Variants in HMCN1 observed in about 807,000 individuals in gnomAD.
HMCN1 encodes hemicentin-1.
In HMCN1, 321 loss-of-function variants were observed where a neutral mutation model predicts 625.9. The ratio of observed to expected loss-of-function variants is 0.51; its 90% CI spans 0.47 to 0.56. The LOEUF (loss-of-function observed/expected upper bound fraction) is 0.56, where lower values mean the gene tolerates loss of function less well. Among genes scored for constraint, HMCN1 ranks in the 20% least tolerant of loss-of-function variants. The pLI is 0.00. For missense variants in HMCN1, 6,588 were observed against 6,887.3 expected (o/e 0.96, Z 1.54); for synonymous variants, 2,425 against 2,417.6 (o/e 1.00, Z -0.09).
intron 4 of HMCN1, among the ~76,000 whole-genome samples, chr1:185,906,249 G>A (rs1029915068): frequency 1.3e-5 from 2 of 151,642 alleles, no homozygotes; most frequent in African/African-American, 4.8e-5. Flanking sequence ...CTAATACAAC[G>A]AGTTGCATCT....
chr1:185,832,101 G>A (rs1415785017), intron 1 of HMCN1, among the ~76,000 whole-genome samples: 3 of 151,940 alleles, frequency 2.0e-5, no homozygotes, highest in East Asian at 1.9e-4. Context: ...TTCGAGACCA[G>A]CCTGGCCAAC....
intron 49 of HMCN1, among the ~76,000 whole-genome samples, chr1:186,067,118 G>A (rs1382106330): frequency 6.6e-6 from 1 of 152,040 alleles, no homozygotes. Context: ...CTGCAGTTTA[G>A]GTTCCCAAGC....
In HMCN1 at chr1:185,735,052, G is replaced by C; in HGVS notation, c.268+5G>C. On this transcript the variant is annotated splice_donor_5th_base_variant and intron_variant, in intron 1 of 106. Coordinates refer to ENST00000271588, the MANE Select transcript of HMCN1 (RefSeq NM_031935.3). ...TGGTGCCTTTCCATGATCCAGGTAAGGGAAATATTTATACTTTGTCTTTGC... is the reference window on the plus strand; with the variant it reads ...TGGTGCCTTTCCATGATCCAGGTAACGGAAATATTTATACTTTGTCTTTGC... 1 of 1,613,742 alleles carries C rather than the reference G, an allele frequency of 6.2e-7. No individual in the cohort carries two copies. Among genetic ancestry groups the C allele is most frequent in the South Asian group, 1.1e-5 (1 of 91,066 alleles).
chr1:185,742,593 A>G (rs1431726770), intron 1 of HMCN1, among the ~76,000 whole-genome samples: 2 of 152,188 alleles, frequency 1.3e-5, no homozygotes, highest in East Asian at 3.8e-4. Flanking sequence ...TTTCAGTTTC[A>G]ATATGTATAG....
intron 1 of HMCN1, among the ~76,000 whole-genome samples, chr1:185,803,172 C>T (rs1457087685): frequency 3.5e-5 from 1 of 28,278 alleles, no homozygotes; most frequent in East Asian, 2.1e-3. Flanking sequence ...AATGCCTCTA[C>T]TAAAATTAGC....
chr1:186,145,649 C>T, intron 92 of HMCN1, 76 bp downstream of exon 92: 1 of 1,609,694 alleles, frequency 6.2e-7, no homozygotes, highest in Non-Finnish European at 8.5e-7. Flanking sequence ...CCTATTGCTT[C>T]AGACCTTAAA....
At chr1:185,857,543 T>A (rs1214658642) in intron 2 of HMCN1, among the ~76,000 whole-genome samples, 1 of 152,034 alleles carries the variant, frequency 6.6e-6, no homozygotes, top group Non-Finnish European at 1.5e-5. Flanking sequence ...GGTTTTATCA[T>A]GTTGATTATT....
intron 1 of HMCN1, among the ~76,000 whole-genome samples, chr1:185,842,547 TAA>T (rs1661540099): frequency 7.0e-6 from 1 of 143,574 alleles, no homozygotes; most frequent in South Asian, 2.2e-4. Context: ...CTGGGCAACA[TAA>T]TGAGACCCTG....
At chr1:186,188,103 T>A in intron 106 of HMCN1, 94 bp downstream of exon 106, 1 of 1,378,586 alleles carries the variant, frequency 7.3e-7, no homozygotes. Context: ...CATGTGTAAC[T>A]CACAGGAAGT....
chr1:186,111,044 G>C (rs955900520), intron 71 of HMCN1, among the ~76,000 whole-genome samples: 1 of 134,622 alleles, frequency 7.4e-6, no homozygotes, highest in African/African-American at 3.0e-5. Context: ...GCAGTGGCGC[G>C]ATCTCGGCTC....
chr1:185,878,904 C>T (rs562058599), intron 4 of HMCN1, among the ~76,000 whole-genome samples: 1 of 152,244 alleles, frequency 6.6e-6, no homozygotes, highest in Non-Finnish European at 1.5e-5. Flanking sequence ...TCAGACTGTC[C>T]TTTGGTCATC....
Position 185,971,802 on chromosome 1 carries a change from G to A in HMCN1, c.2371+1309G>A, listed in dbSNP as rs187485296. On this transcript the variant is annotated intron_variant, in intron 15 of 106. Transcript: ENST00000271588. ...GTCTGGTGAACACTCTGCATTCTTGGTGATTATGCCCTTGGGGGAGAATCA... is the reference window on the plus strand; with the variant it reads ...GTCTGGTGAACACTCTGCATTCTTGATGATTATGCCCTTGGGGGAGAATCA... Among the ~76,000 whole-genome samples the A allele has an allele frequency of 5.4e-4, 82 of 152,150 alleles. 1 individual carries two copies. The East Asian group carries it at 0.013, about 24-fold the overall frequency.
intron 4 of HMCN1, among the ~76,000 whole-genome samples, chr1:185,871,030 G>C (rs1405785285): frequency 4.6e-5 from 7 of 152,064 alleles, no homozygotes; most frequent in Non-Finnish European, 2.9e-5. Flanking sequence ...AAGAGATCGA[G>C]ACCATCCTGA....
Position 186,076,448 on chromosome 1 carries a change from C to T in HMCN1, c.8311C>T (p.Leu2771Phe). Residue 2771 changes from leucine (L) to phenylalanine (F), a missense_variant, in exon 54 of 107, where the codon CTC becomes TTC. Around this residue, in one of 3 missense-constraint regions of HMCN1, gnomAD observed 4,628 missense variants for 4,853.1 expected, o/e 0.95. Transcript: ENST00000271588. Reference sequence around the variant, plus strand: ...CATAGTTCCTCCAAGTTTTCAGAAACTCTGGGAAATAGGAAACATGCTAGA... The same window carrying T: ...CATAGTTCCTCCAAGTTTTCAGAAATTCTGGGAAATAGGAAACATGCTAGA... ...NIQVPPSFQK[L>F]WEIGNMLDTG... 1 of 1,613,500 alleles carries T rather than the reference C, an allele frequency of 6.2e-7. No individual in the cohort carries two copies. The highest frequency in any genetic ancestry group is 8.5e-7 in the Non-Finnish European group (1 of 1,179,726).
chr1:186,144,770 A>G (rs1195273225), intron 91 of HMCN1, 67 bp downstream of exon 91: 5 of 1,570,836 alleles, frequency 3.2e-6, no homozygotes, highest in Admixed American at 3.4e-5. Flanking sequence ...GTAATTCCTT[A>G]AAGTTGCAAT....
At chr1:186,053,465 C>T (rs1657103162) in intron 43 of HMCN1, among the ~76,000 whole-genome samples, 1 of 151,924 alleles carries the variant, frequency 6.6e-6, no homozygotes, top group Admixed American at 6.6e-5. Context: ...CACAATAGAT[C>T]TACGTAATAA....
intron 101 of HMCN1, 73 bp downstream of exon 101, chr1:186,171,523 A>C: frequency 8.8e-7 from 1 of 1,131,856 alleles, no homozygotes; most frequent in Non-Finnish European, 1.3e-6. Flanking sequence ...CTAAATGCAT[A>C]CACTGTGTCT....
rs1653407332 is a variant in HMCN1 at position 186,004,431 on chromosome 1, TA to T, written c.4475+591del. ...GAAAATAGTCAAGATTTGTGGTATATAAAATAAAAGATTGTATTCAAGCTTT... is the reference window on the plus strand; with the variant it reads ...GAAAATAGTCAAGATTTGTGGTATATAAATAAAAGATTGTATTCAAGCTTT... On this transcript the variant is annotated intron_variant, in intron 29 of 106. Coordinates refer to ENST00000271588, the MANE Select transcript of HMCN1 (RefSeq NM_031935.3). 2.0e-5 allele frequency among the ~76,000 whole-genome samples: 3 copies of T among 152,166 alleles called. 1 individual carries two copies. In the South Asian group the frequency reaches 6.2e-4, roughly 32 times the overall value.
intron 4 of HMCN1, 96 bp from the exon 5 acceptor site, chr1:185,909,241 C>T (rs780245887): frequency 9.9e-5 from 88 of 891,634 alleles, no homozygotes; most frequent in Non-Finnish European, 1.5e-4. Context: ...CAGGATGTGC[C>T]GGAGTCATTT....
Sources: gnomAD v4.1 joint callset for allele counts (sites outside exome capture counted in the v4.1 genomes callset) on GRCh38, gnomAD v4.1.1 for gene constraint, gnomAD v4.1.1 regional missense constraint, MANE v1.5 for transcripts, NCBI Gene and HGNC (gene_info 2026-07-23, HGNC 2026-07-21) for gene names.